KIAA1958: variants seen among roughly 807,000 people sequenced by gnomAD.
KIAA1958 encodes uncharacterized protein KIAA1958.
A neutral mutation model predicts 47.2 loss-of-function variants in KIAA1958; 14 were observed. The observed-to-expected ratio is 0.30, with a 90% CI of 0.20 to 0.46. The LOEUF (loss-of-function observed/expected upper bound fraction) is 0.46, where lower values mean the gene tolerates loss of function less well. Ranked by LOEUF, KIAA1958 falls within the 20% of genes least tolerant of loss-of-function variation. The pLI, the probability that KIAA1958 is intolerant of heterozygous loss-of-function variation, is 1.00. For missense variants in KIAA1958, 803 were observed against 909.2 expected (o/e 0.88, Z 1.50); for synonymous variants, 354 against 353.3 (o/e 1.00, Z -0.02).
At chr9:112,540,053 T>G (rs116115937) in intron 1 of KIAA1958, among the ~76,000 whole-genome samples, 1,941 of 152,286 alleles carry the variant, frequency 0.013, 39 homozygotes, top group African/African-American at 0.044. Flanking sequence ...GAAAACAAAT[T>G]ACGATTATGT....
At chr9:112,487,616 C>T (rs1833884159) in intron 1 of KIAA1958, among the ~76,000 whole-genome samples, 3 of 152,148 alleles carry the variant, frequency 2.0e-5, no homozygotes, top group Non-Finnish European at 4.4e-5. Context: ...GGGTGGCTCG[C>T]CGAGGTGCGT....
intron 1 of KIAA1958, among the ~76,000 whole-genome samples, chr9:112,539,131 T>C (rs1043296963): frequency 6.6e-6 from 1 of 152,198 alleles, no homozygotes; most frequent in African/African-American, 2.4e-5. Context: ...TGGAAAACAG[T>C]CTAGCATTTC....
chr9:112,575,245 A>G lies in KIAA1958; in HGVS notation c.1165A>G (p.Ile389Val). The change falls in exon 2 of 4, where the codon ATA (isoleucine) becomes GTA (valine). Residue 389 changes from isoleucine to valine, a missense_variant. Physicochemically the swap from Ile to Val is conservative, Grantham distance 29. Around this residue, in one of 2 missense-constraint regions of KIAA1958, gnomAD observed 761 missense variants for 829.3 expected, o/e 0.92. Coordinates refer to ENST00000337530, the MANE Select transcript of KIAA1958 (RefSeq NM_133465.4). ...AACCACTGAGGCCACAGCACAGTGC[A>G]TACCAGGTATGGCACATGAGGCGAC... is the stretch of plus-strand genomic sequence containing the variant. ...AITTEATAQC[I>V]PAYSTKLNKF... The G allele has an allele frequency of 1.3e-6, 2 of 1,523,578 alleles. No individual in the cohort carries two copies. Among genetic ancestry groups the G allele is most frequent in the Non-Finnish European group, 1.8e-6 (2 of 1,141,356 alleles). 94.4% of individuals were successfully genotyped at this position (1,523,578 alleles called of 1,614,324 possible). A position where few individuals can be genotyped will look rare whatever the true frequency, so the allele number is the denominator to read the frequency against.
intron 1 of KIAA1958, among the ~76,000 whole-genome samples, chr9:112,489,011 T>G (rs1466175226): frequency 1.3e-5 from 2 of 152,224 alleles, no homozygotes; most frequent in Non-Finnish European, 2.9e-5. Context: ...TGCTTTGACT[T>G]CCAGTCTGCA....
chr9:112,531,048 A>G (rs1051359789), intron 1 of KIAA1958, among the ~76,000 whole-genome samples: 2 of 152,248 alleles, frequency 1.3e-5, no homozygotes, highest in Non-Finnish European at 2.9e-5. Flanking sequence ...GAAAATGCTT[A>G]AGATAACAAG....
intron 1 of KIAA1958, among the ~76,000 whole-genome samples, chr9:112,509,971 A>G (rs899609415): frequency 3.3e-5 from 5 of 152,182 alleles, no homozygotes; most frequent in African/African-American, 1.2e-4. Flanking sequence ...TGGCATCTGG[A>G]TTCTCTGAGC....
Position 112,599,291 on chromosome 9 carries a change from G to A in KIAA1958, c.1171+24040G>A, listed in dbSNP as rs1437001290. ...ATTAGGGGAAAATGCATCATGTAAC[G>A]TTTTCCTTATGTGTATAGTGACCCT... On this transcript the variant is annotated intron_variant, in intron 2 of 3. Coordinates refer to ENST00000337530, the MANE Select transcript of KIAA1958 (RefSeq NM_133465.4). 3.3e-5 allele frequency among the ~76,000 whole-genome samples: 5 copies of A among 152,046 alleles called. No homozygotes were observed. The East Asian group carries it at 5.8e-4, about 18-fold the overall frequency.
At chr9:112,558,361 T>TTAA (rs3983386) in intron 1 of KIAA1958, among the ~76,000 whole-genome samples, 146,080 of 152,292 alleles carry the variant, frequency 0.96, 70,112 homozygotes, top group African/African-American at 0.99. Flanking sequence ...GATAAGTAGA[T>TTAA]TGAGTCAGAA....
At chr9:112,632,855 T>G (rs1366567818) in intron 2 of KIAA1958, among the ~76,000 whole-genome samples, 2 of 151,968 alleles carry the variant, frequency 1.3e-5, no homozygotes, top group Non-Finnish European at 2.9e-5. Context: ...TGAGAAAGAC[T>G]TTCTTTCCTC....
intron 1 of KIAA1958, among the ~76,000 whole-genome samples, chr9:112,564,063 C>G (rs1835383805): frequency 6.6e-6 from 1 of 152,100 alleles, no homozygotes; most frequent in African/African-American, 2.4e-5. Context: ...TACATCAATA[C>G]TCATGAGGAA....
chr9:112,487,054 C>A lies in KIAA1958; in HGVS notation c.-89C>A. 1 of 223,158 alleles carries A rather than the reference C, an allele frequency of 4.5e-6. No homozygotes were observed. 13.8% of individuals were successfully genotyped at this position (223,158 alleles called of 1,614,324 possible). ...GGCCCGTCCCGTCCAGCCCGGGCTG[C>A]CCGGCTCTCGCAGGCCCCCCCGCGC... On this transcript the variant is annotated 5_prime_UTR_variant, in exon 1 of 4. Transcript: ENST00000337530.
At chr9:112,549,519 A>G (rs1356149767) in intron 1 of KIAA1958, among the ~76,000 whole-genome samples, 8 of 152,192 alleles carry the variant, frequency 5.3e-5, no homozygotes, top group Admixed American at 1.3e-4. Context: ...TTAGTCCACA[A>G]GTATTTATTG....
chr9:112,574,643 C>T lies in KIAA1958; in HGVS notation c.563C>T (p.Thr188Met), dbSNP rs766369888. 1.5e-5 allele frequency: 24 copies of T among 1,614,002 alleles called. No homozygotes were observed. The highest frequency in any genetic ancestry group is 1.2e-4 in the Admixed American group (7 of 60,004). ...TCTTCCCTCCATTCAAGCTCCCAGA[C>T]GCAGATGGTTGACGAATGCAGCAAT... is the stretch of plus-strand genomic sequence containing the variant. ...VPSSLHSSSQ[T>M]QMVDECSNDV... is the part of the protein sequence containing the mutation. Residue 188 changes from threonine to methionine, a missense_variant, in exon 2 of 4, where the codon ACG becomes ATG. Physicochemically the swap from Thr to Met is moderately conservative, Grantham distance 81 (BLOSUM62 -1). Around this residue, in one of 2 missense-constraint regions of KIAA1958, gnomAD observed 761 missense variants for 829.3 expected, o/e 0.92. Coordinates refer to ENST00000337530, the MANE Select transcript of KIAA1958 (RefSeq NM_133465.4).
chr9:112,613,236 T>A (rs1284425374), intron 2 of KIAA1958, among the ~76,000 whole-genome samples: 1 of 152,190 alleles, frequency 6.6e-6, no homozygotes, highest in Non-Finnish European at 1.5e-5. Context: ...TTGTATTAAT[T>A]AAAATCAAAT....
intron 2 of KIAA1958, among the ~76,000 whole-genome samples, chr9:112,629,727 G>A (rs1469280382): frequency 2.6e-5 from 4 of 152,126 alleles, no homozygotes; most frequent in Non-Finnish European, 5.9e-5. Flanking sequence ...TGTGTATAAT[G>A]TTTGCCTCTG....
At chr9:112,615,372 A>G (rs1836392727) in intron 2 of KIAA1958, among the ~76,000 whole-genome samples, 1 of 149,712 alleles carries the variant, frequency 6.7e-6, no homozygotes, top group Admixed American at 6.7e-5. Context: ...GTGAGCCAAG[A>G]TCATGCCATT....
intron 1 of KIAA1958, among the ~76,000 whole-genome samples, chr9:112,529,125 A>G (rs1834709001): frequency 6.6e-6 from 1 of 152,212 alleles, no homozygotes; most frequent in Non-Finnish European, 1.5e-5. Context: ...GAACAAAACA[A>G]TTCCCTGCCT....
chr9:112,488,063 C>T lies in KIAA1958; in HGVS notation c.-25+945C>T, dbSNP rs1333162852. Among the ~76,000 whole-genome samples, 7 of 152,044 alleles carry T rather than the reference C, an allele frequency of 4.6e-5. No individual in the cohort carries two copies. The East Asian group carries it at 1.4e-3, about 29-fold the overall frequency. ...CTCTCCCGACGAAATAAACAGCTAA[C>T]AAGCCAGTCAGGTAGTGACAGCTTC... On this transcript the variant is annotated intron_variant, in intron 1 of 3. Transcript: ENST00000337530.
chr9:112,500,160 G>A (rs192946071), intron 1 of KIAA1958, among the ~76,000 whole-genome samples: 1 of 152,104 alleles, frequency 6.6e-6, no homozygotes, highest in African/African-American at 2.4e-5. Context: ...GGAGTGCAGT[G>A]GTGCGAACTC....
Sources: gnomAD v4.1 joint callset for allele counts (sites outside exome capture counted in the v4.1 genomes callset) on GRCh38, gnomAD v4.1.1 for gene constraint, gnomAD v4.1.1 regional missense constraint, MANE v1.5 for transcripts, NCBI Gene and HGNC (gene_info 2026-07-23, HGNC 2026-07-21) for gene names.